The following RTRAF variants were observed in gnomAD, a reference collection of about 807,000 sequenced individuals.
The protein encoded by RTRAF is RNA transcription, translation and transport factor, also known as tRNA-splicing ligase complex subunit RTRAF.
In RTRAF, 14 loss-of-function variants were observed where a neutral mutation model predicts 34.4. The observed-to-expected ratio is 0.41, with a 90% confidence interval of 0.27 to 0.64. RTRAF has a LOEUF of 0.64. Ranked by LOEUF, RTRAF falls within the 30% of genes least tolerant of loss-of-function variation. The pLI is 0.34. For synonymous variants in RTRAF, 96 were observed against 95.3 expected, an observed-to-expected ratio of 1.01 and a Z score of -0.04; for missense variants, 291 against 288.4, an observed-to-expected ratio of 1.01 and a Z score of -0.06.
rs911899334 is a variant in RTRAF at position 51,989,570 on chromosome 14, C to T, written c.-70C>T. ...CCTCTCGCCGCGTCGCCGGTGCCTG[C>T]GCCTCCCGCTCCACCTCGCTTCTTC... On this transcript the variant is annotated 5_prime_UTR_variant, in exon 1 of 8. Coordinates refer to ENST00000261700, the MANE Select transcript of RTRAF (RefSeq NM_016039.3). 4 of 1,499,946 alleles carry T rather than the reference C, an allele frequency of 2.7e-6. No homozygotes were observed. Among genetic ancestry groups the T allele is most frequent in the East Asian group, 2.6e-5 (1 of 39,006 alleles). 92.9% of individuals were successfully genotyped at this position (1,499,946 alleles called of 1,614,324 possible). A position where few individuals can be genotyped will look rare whatever the true frequency, so the allele number is the denominator to read the frequency against.
chr14:51,999,759 A>G lies in RTRAF; in HGVS notation c.425A>G (p.Gln142Arg). ...AGVMALANLL[Q>R]IQRHDDYLVM... ...GTGATGGCTTTGGCTAACCTGCTTC[A>G]GATTCAGCGTCATGATGATTACCTG... Residue 142 changes from glutamine (Q) to arginine (R), a missense_variant, in exon 5 of 8, where the codon CAG (glutamine) becomes CGG (arginine). Coordinates refer to ENST00000261700, the MANE Select transcript of RTRAF (RefSeq NM_016039.3). 5 of 1,610,892 alleles carry G rather than the reference A, an allele frequency of 3.1e-6. No homozygotes were observed. Among genetic ancestry groups the G allele is most frequent in the Non-Finnish European group, 4.2e-6 (5 of 1,177,670 alleles).
In RTRAF at chr14:52,005,196, T is replaced by TTTAAATATTAATGATAAATGTTTACA. The variant is rs1890714037; in HGVS notation, c.*681_*706dup. 2 of 292,118 alleles carry TTTAAATATTAATGATAAATGTTTACA rather than the reference T, an allele frequency of 6.8e-6. No homozygotes were observed. Among genetic ancestry groups the TTTAAATATTAATGATAAATGTTTACA allele is most frequent in the Non-Finnish European group, 1.3e-5 (2 of 158,634 alleles). The allele number at this position is 292,118 out of a possible 1,614,324, so 18.1% of individuals were successfully genotyped here. A position where few individuals can be genotyped will look rare whatever the true frequency, so the allele number is the denominator to read the frequency against. On this transcript the variant is annotated 3_prime_UTR_variant, in exon 8 of 8. Coordinates refer to ENST00000261700, the MANE Select transcript of RTRAF (RefSeq NM_016039.3). Reference sequence around the variant, plus strand: ...ATTCTTAGTTGAATGAATTTGATCTTTTAAATATTAATGATAAATGTTTAC... The same window carrying TTTAAATATTAATGATAAATGTTTACA: ...ATTCTTAGTTGAATGAATTTGATCTTTTAAATATTAATGATAAATGTTTACATTAAATATTAATGATAAATGTTTAC...
intron 3 of RTRAF, among the ~76,000 whole-genome samples, chr14:51,994,519 A>G (rs1490360433): frequency 6.6e-6 from 1 of 152,102 alleles, no homozygotes; most frequent in Non-Finnish European, 1.5e-5. Context: ...TGTTTGTTGT[A>G]TCTTCATTCC....
At position 52,005,288 on chromosome 14, in the gene RTRAF, C is replaced by T. The variant is rs1199084631; in HGVS notation, c.*772C>T. 2.4e-6 allele frequency: 1 copy of T among 422,986 alleles called. No individual in the cohort carries two copies. Among genetic ancestry groups the T allele is most frequent in the Non-Finnish European group, 4.1e-6 (1 of 244,506 alleles). 26.2% of individuals were successfully genotyped at this position (422,986 alleles called of 1,614,324 possible). Reference sequence around the variant, plus strand: ...TTTTTAAACTTGCAATAACAACCTTCATTTTTAAAAATACAGTAGTAAAGA... The same window carrying T: ...TTTTTAAACTTGCAATAACAACCTTTATTTTTAAAAATACAGTAGTAAAGA... On this transcript the variant is annotated 3_prime_UTR_variant, in exon 8 of 8. Transcript: ENST00000261700.
chr14:51,990,016 C>T (rs185707280), intron 1 of RTRAF, among the ~76,000 whole-genome samples: 24 of 152,306 alleles, frequency 1.6e-4, no homozygotes, highest in Non-Finnish European at 3.1e-4. Flanking sequence ...CTCCATGGTT[C>T]CCTGGGTAAT....
rs977692279 is a variant in RTRAF at position 52,008,450 on chromosome 14, T to G, written c.*3934T>G. Reference sequence around the variant, plus strand: ...CTGAGGGAGCTCGGTGAAGACACACTTGGATTCCTGACTCACAGAAACTGT... The same window carrying G: ...CTGAGGGAGCTCGGTGAAGACACACGTGGATTCCTGACTCACAGAAACTGT... On this transcript the variant is annotated 3_prime_UTR_variant, in exon 8 of 8. Coordinates refer to ENST00000261700, the MANE Select transcript of RTRAF (RefSeq NM_016039.3). The G allele has an allele frequency of 8.5e-5, 13 of 152,896 alleles. No homozygotes were observed. Among genetic ancestry groups the G allele is most frequent in the African/African-American group, 2.7e-4 (11 of 41,464 alleles). 9.5% of individuals were successfully genotyped at this position (152,896 alleles called of 1,614,324 possible).
At chr14:51,993,120 A>G (rs1890460977) in intron 2 of RTRAF, among the ~76,000 whole-genome samples, 1 of 151,880 alleles carries the variant, frequency 6.6e-6, no homozygotes. Flanking sequence ...GACAGTAAGA[A>G]TAATTTCAAC....
chr14:52,003,968 T>A lies in RTRAF; in HGVS notation c.532-226T>A, dbSNP rs1437379402. 6.4e-5 allele frequency: 35 copies of A among 549,554 alleles called. No homozygotes were observed. In the South Asian group the frequency reaches 8.3e-4, roughly 13 times the overall value. 34.0% of individuals were successfully genotyped at this position (549,554 alleles called of 1,614,324 possible). A position where few individuals can be genotyped will look rare whatever the true frequency, so the allele number is the denominator to read the frequency against. The stretch of plus-strand genomic sequence containing the variant: ...AAAGGATTGGATGAGCTATAGAGCT[T>A]CCTGGTACATTTAAAGGTTAACTTT... On this transcript the variant is annotated intron_variant, in intron 6 of 7. Transcript: ENST00000261700.
At chr14:51,997,906 T>G (rs925898201) in intron 3 of RTRAF, 1 of 151,908 alleles carries the variant, frequency 6.6e-6, no homozygotes, top group African/African-American at 2.4e-5. Flanking sequence ...TTCCTAAAAT[T>G]TACATGTTTG....
rs1890910297 is a variant in RTRAF at position 52,009,120 on chromosome 14, G to A, written c.*4604G>A. 1 of 152,204 alleles carries A rather than the reference G, an allele frequency of 6.6e-6. No individual in the cohort carries two copies. The highest frequency in any genetic ancestry group is 1.5e-5 in the Non-Finnish European group (1 of 68,046). The allele number at this position is 152,204 out of a possible 1,614,324, so 9.4% of individuals were successfully genotyped here. A position where few individuals can be genotyped will look rare whatever the true frequency, so the allele number is the denominator to read the frequency against. ...AGTGAGAGGAGAGGAAGAAACCATAGGTTTCCCCTGTTGCGAATTTCATCC... is the reference window on the plus strand; with the variant it reads ...AGTGAGAGGAGAGGAAGAAACCATAAGTTTCCCCTGTTGCGAATTTCATCC... On this transcript the variant is annotated 3_prime_UTR_variant, in exon 8 of 8. Transcript: ENST00000261700.
intron 3 of RTRAF, 44 bp from the exon 4 acceptor site, chr14:51,998,450 T>C (rs777272455): frequency 8.4e-6 from 10 of 1,194,494 alleles, no homozygotes; most frequent in Non-Finnish European, 1.2e-5. Flanking sequence ...TCATTTTACC[T>C]TGAGTTGCAG....
At chr14:52,004,090 AAG>A in intron 6 of RTRAF, 102 bp from the exon 7 acceptor site, 1 of 974,240 alleles carries the variant, frequency 1.0e-6, no homozygotes, top group Middle Eastern at 3.2e-4. Flanking sequence ...ATGCAGCTAA[AAG>A]AGTTAAGACA....
At chr14:51,998,190 T>G (rs569238137) in intron 3 of RTRAF, 2 of 198,212 alleles carry the variant, frequency 1.0e-5, no homozygotes, top group South Asian at 1.5e-4. Context: ...AACACAAACT[T>G]TATTTCATGC....
chr14:52,003,851 AAGAC>A (rs1818429730), intron 6 of RTRAF, among the ~76,000 whole-genome samples: 1 of 152,226 alleles, frequency 6.6e-6, no homozygotes, highest in Non-Finnish European at 1.5e-5. Flanking sequence ...TCGCCAAAAT[AAGAC>A]AGTAACAGCC....
chr14:51,994,839 A>T (rs1890493353), intron 3 of RTRAF, among the ~76,000 whole-genome samples: 1 of 152,164 alleles, frequency 6.6e-6, no homozygotes, highest in South Asian at 2.1e-4. Context: ...CATCCCAGCT[A>T]AATTAGAATA....
Position 52,006,284 on chromosome 14 carries a change from A to G in RTRAF, c.*1768A>G. 2 of 449,258 alleles carry G rather than the reference A, an allele frequency of 4.5e-6. No homozygotes were observed. The highest frequency in any genetic ancestry group is 5.5e-5 in the South Asian group (2 of 36,588). 27.8% of individuals were successfully genotyped at this position (449,258 alleles called of 1,614,324 possible). On this transcript the variant is annotated 3_prime_UTR_variant, in exon 8 of 8. Coordinates refer to ENST00000261700, the MANE Select transcript of RTRAF (RefSeq NM_016039.3). ...ATGCTCCCTTTTGAGACATTATCCA[A>G]TAGCTTTGCTACTTTTTAAGCTATA...
In RTRAF at chr14:52,004,755, A is replaced by C. The variant is rs900531068; in HGVS notation, c.*239A>C. The C allele has an allele frequency of 4.0e-5, 15 of 377,456 alleles. No homozygotes were observed. The highest frequency in any genetic ancestry group is 3.1e-4 in the African/African-American group (15 of 47,794). 23.4% of individuals were successfully genotyped at this position (377,456 alleles called of 1,614,324 possible). A position where few individuals can be genotyped will look rare whatever the true frequency, so the allele number is the denominator to read the frequency against. The stretch of plus-strand genomic sequence containing the variant: ...CCTTTCTCCTTTGTGGTTAAGGCAT[A>C]TATGCCAACCCCCAGCTTTGTCCTA... On this transcript the variant is annotated 3_prime_UTR_variant, in exon 8 of 8. Transcript: ENST00000261700.
In RTRAF at chr14:51,989,613, GGGGGACCAGAGCGAGAAGC is replaced by G. The variant is rs1248841226; in HGVS notation, c.-18_1del. The G allele has an allele frequency of 5.7e-6, 9 of 1,589,394 alleles. No individual in the cohort carries two copies. The highest frequency in any genetic ancestry group is 7.7e-6 in the Non-Finnish European group (9 of 1,168,554). ...GCTTCTTCTCTCCCGGCCGAGGCCC[GGGGGACCAGAGCGAGAAGC>G]GGGGACCATGTTCCGACGCAAGTTG... On this transcript the variant is annotated 5_prime_UTR_variant, in exon 1 of 8. Coordinates refer to ENST00000261700, the MANE Select transcript of RTRAF (RefSeq NM_016039.3).
intron 1 of RTRAF, among the ~76,000 whole-genome samples, chr14:51,990,127 GC>G (rs1890405273): frequency 1.3e-5 from 2 of 152,156 alleles, no homozygotes; most frequent in Non-Finnish European, 2.9e-5. Context: ...CCTGCCAGGA[GC>G]TAAAGGGACG....
Sources: gnomAD v4.1 joint callset for allele counts (sites outside exome capture counted in the v4.1 genomes callset) on GRCh38, gnomAD v4.1.1 for gene constraint, MANE v1.5 for transcripts, NCBI Gene and HGNC (gene_info 2026-07-23, HGNC 2026-07-21) for gene names.